The following SESTD1 variants were observed in gnomAD, a reference collection of about 807,000 sequenced individuals.
SESTD1 encodes SEC14 domain and spectrin repeat-containing protein 1.
A neutral mutation model predicts 101.7 loss-of-function variants in SESTD1; 43 were observed. The ratio of observed to expected loss-of-function variants is 0.42; its 90% CI spans 0.33 to 0.55. The LOEUF is 0.55. Ranked by LOEUF, SESTD1 falls within the 20% of genes least tolerant of loss-of-function variation. SESTD1 has a pLI of 0.07. For synonymous variants in SESTD1, 283 were observed against 286.8 expected (o/e 0.99, Z 0.13); for missense variants, 647 against 815.1 (o/e 0.79, Z 2.51).
At chr2:179,175,281 C>T (rs1229727082) in intron 4 of SESTD1, among the ~76,000 whole-genome samples, 1 of 152,184 alleles carries the variant, frequency 6.6e-6, no homozygotes, top group African/African-American at 2.4e-5. Context: ...AAAATTACCA[C>T]TTTGTTCCTA....
At chr2:179,155,191 C>T (rs2045605197) in intron 5 of SESTD1, among the ~76,000 whole-genome samples, 1 of 152,096 alleles carries the variant, frequency 6.6e-6, no homozygotes, top group Admixed American at 6.6e-5. Flanking sequence ...GCTAGGATTA[C>T]AGGTGTGAGC....
chr2:179,247,158 G>T (rs1327493770), intron 1 of SESTD1, among the ~76,000 whole-genome samples: 1 of 150,972 alleles, frequency 6.6e-6, no homozygotes, highest in African/African-American at 2.4e-5. Context: ...ACAAATAATT[G>T]TACATATTCA....
At chr2:179,237,062 TAAAAG>T (rs1200015935) in intron 1 of SESTD1, among the ~76,000 whole-genome samples, 2 of 146,590 alleles carry the variant, frequency 1.4e-5, no homozygotes, top group Middle Eastern at 3.3e-3. Context: ...GAAAAATGTT[TAAAAG>T]AAAACATTGC....
rs2046146422 is a variant in SESTD1 at position 179,183,109 on chromosome 2, G to A, written c.135C>T (p.Val45=). 1.9e-6 allele frequency: 3 copies of A among 1,610,978 alleles called. No homozygotes were observed. The highest frequency in any genetic ancestry group is 2.7e-5 in the African/African-American group (2 of 74,742). Residue 45 remains valine, a synonymous_variant, in exon 3 of 18, where the codon GTC becomes GTT. Transcript: ENST00000428443. The part of the protein sequence containing the change: ...LEQTNMDELS[V]TLDYLLSIPS... ...GAATGCTGAGTAGGTAGTCTAAGGTGACACTCAGCTCATCCATATTTGTCT... is the reference window on the plus strand; with the variant it reads ...GAATGCTGAGTAGGTAGTCTAAGGTAACACTCAGCTCATCCATATTTGTCT...
chr2:179,169,983 A>G (rs1559125989), intron 5 of SESTD1, among the ~76,000 whole-genome samples: 1 of 151,944 alleles, frequency 6.6e-6, no homozygotes, highest in African/African-American at 2.4e-5. Context: ...TCAAAAAAAA[A>G]AAAAAAAACC....
At chr2:179,252,978 T>C (rs991079007) in intron 1 of SESTD1, among the ~76,000 whole-genome samples, 1 of 152,182 alleles carries the variant, frequency 6.6e-6, no homozygotes, top group African/African-American at 2.4e-5. Context: ...CCAAAGTTCA[T>C]ACAGCCTCCA....
rs755221523 is a variant in SESTD1 at position 179,121,757 on chromosome 2, G to A, written c.1442+13C>T. 14 of 1,542,060 alleles carry A rather than the reference G, an allele frequency of 9.1e-6. No individual in the cohort carries two copies. The African/African-American group carries it at 9.8e-5, about 11-fold the overall frequency. ...ATTATTTTAGTAAAAAGTAATTAAC[G>A]GTCAAACTTTGCCTTTGTTTTCTAA... On this transcript the variant is annotated intron_variant, in intron 13 of 17. Transcript: ENST00000428443.
Position 179,121,218 on chromosome 2 carries a change from T to C in SESTD1, c.1442+552A>G, listed in dbSNP as rs115606670. ...GCTAGATTGTGTATATTGCATAATT[T>C]TAATCCTTTACTTTGCAATACTTTG... is the stretch of plus-strand genomic sequence containing the variant. On this transcript the variant is annotated intron_variant, in intron 13 of 17. Coordinates refer to ENST00000428443, the MANE Select transcript of SESTD1 (RefSeq NM_178123.5). Among the ~76,000 whole-genome samples, 626 of 152,354 alleles carry C rather than the reference T, an allele frequency of 4.1e-3. 7 individuals carry two copies. The highest frequency in any genetic ancestry group is 0.014 in the African/African-American group (589 of 41,584).
At chr2:179,112,593 T>G in intron 17 of SESTD1, 131 bp downstream of exon 17, 1 of 1,097,826 alleles carries the variant, frequency 9.1e-7, no homozygotes, top group Non-Finnish European at 1.2e-6. Flanking sequence ...TTAAACTAAT[T>G]CATCGTAGGA....
At chr2:179,144,404 A>G (rs2045350969) in intron 8 of SESTD1, among the ~76,000 whole-genome samples, 1 of 152,110 alleles carries the variant, frequency 6.6e-6, no homozygotes, top group Admixed American at 6.5e-5. Context: ...AATCTTCACA[A>G]TATATTAACT....
chr2:179,239,711 T>TTAA (rs1429362053), intron 1 of SESTD1, among the ~76,000 whole-genome samples: 2 of 152,162 alleles, frequency 1.3e-5, no homozygotes, highest in African/African-American at 4.8e-5. Context: ...TTAAGATAGA[T>TTAA]TAAAACAATA....
intron 1 of SESTD1, among the ~76,000 whole-genome samples, chr2:179,244,451 T>A (rs1302452522): frequency 1.4e-5 from 2 of 148,014 alleles, no homozygotes; most frequent in Non-Finnish European, 3.0e-5. Context: ...ACAGTGAGAC[T>A]CTGTCTCAAA....
intron 3 of SESTD1, among the ~76,000 whole-genome samples, chr2:179,177,201 ACACTTCCCAG>A (rs1291965784): frequency 6.6e-6 from 1 of 152,172 alleles, no homozygotes; most frequent in African/African-American, 2.4e-5. Context: ...TATTAACTAA[ACACTTCCCAG>A]AAGTCTAACC....
At chr2:179,204,503 T>C (rs1221021336) in intron 1 of SESTD1, among the ~76,000 whole-genome samples, 6 of 134,972 alleles carry the variant, frequency 4.4e-5, no homozygotes, top group Admixed American at 4.3e-4. Context: ...TGAGAATTCC[T>C]GACAAACAAC....
intron 1 of SESTD1, among the ~76,000 whole-genome samples, chr2:179,236,323 TAAAAAAAAAAAA>T (rs552456681): frequency 2.1e-4 from 14 of 66,730 alleles, no homozygotes; most frequent in East Asian, 8.4e-4. Flanking sequence ...CCTCATCTCT[TAAAAAAAAAAAA>T]AAAAAAAAAA....
rs747810751 is a variant in SESTD1, at chr2:179,117,524, C to A, written c.1524+8G>T. On this transcript the variant is annotated splice_region_variant and intron_variant, in intron 14 of 17. Coordinates refer to ENST00000428443, the MANE Select transcript of SESTD1 (RefSeq NM_178123.5). ...GTTAACTACATAATGTAGCTGACTG[C>A]TCCTTACCTGGGCAGCATCTTCTTC... 7.7e-6 allele frequency: 12 copies of A among 1,566,634 alleles called. No individual in the cohort carries two copies. Among genetic ancestry groups the A allele is most frequent in the Admixed American group, 4.1e-5 (2 of 48,494 alleles).
chr2:179,231,752 A>G (rs2046992076), intron 1 of SESTD1, among the ~76,000 whole-genome samples: 2 of 151,710 alleles, frequency 1.3e-5, no homozygotes, highest in East Asian at 3.8e-4. Flanking sequence ...ATTTAAAAAA[A>G]AAGGGATAAG....
intron 16 of SESTD1, 45 bp from the exon 17 acceptor site, chr2:179,112,890 G>T (rs1193161513): frequency 6.4e-7 from 1 of 1,567,840 alleles, no homozygotes. Flanking sequence ...ACACAGACAG[G>T]TCTGCAGTTT....
intron 5 of SESTD1, among the ~76,000 whole-genome samples, chr2:179,164,081 CT>C (rs1178995055): frequency 2.6e-5 from 4 of 152,254 alleles, no homozygotes; most frequent in African/African-American, 7.2e-5. Context: ...TATTTCTGCA[CT>C]TAGTAAAGAT....
Sources: gnomAD v4.1 joint callset for allele counts (sites outside exome capture counted in the v4.1 genomes callset) on GRCh38, gnomAD v4.1.1 for gene constraint, MANE v1.5 for transcripts, NCBI Gene and HGNC (gene_info 2026-07-23, HGNC 2026-07-21) for gene names.